FBXL18: variants seen among roughly 807,000 people sequenced by gnomAD.
The protein encoded by FBXL18 is F-box/LRR-repeat protein 18.
Under a neutral mutation model 46.0 loss-of-function variants are expected in FBXL18, and 36 were observed. The observed-to-expected ratio is 0.78, with a 90% CI of 0.60 to 1.03. The LOEUF is 1.03. FBXL18 is among the 50% of genes least tolerant of loss of function. The pLI, the probability that FBXL18 is intolerant of heterozygous loss-of-function variation, is 0.00. For missense variants in FBXL18, 977 were observed against 1,004.1 expected, an observed-to-expected ratio of 0.97 and a Z score of 0.36; for synonymous variants, 557 against 465.3, an observed-to-expected ratio of 1.20 and a Z score of -2.54.
intron 4 of FBXL18, among the ~76,000 whole-genome samples, chr7:5,464,684 C>CA (rs1228006360): frequency 9.9e-5 from 3 of 30,164 alleles, no homozygotes; most frequent in Non-Finnish European, 2.2e-4. Context: ...AAAAAAAAAA[C>CA]ACTAAGATGG....
At chr7:5,491,928 T>TCTGGGAGGCTGGTGC in intron 3 of FBXL18, among the ~76,000 whole-genome samples, 1 of 150,934 alleles carries the variant, frequency 6.6e-6, no homozygotes, top group Non-Finnish European at 1.5e-5. Flanking sequence ...GAGGCTGGTG[T>TCTGGGAGGCTGGTGC]GGGGGAGGGA....
At chr7:5,471,183 C>T (rs1783421167), downstream of FBXL18, among the ~76,000 whole-genome samples, 1 of 152,208 alleles carries the variant, frequency 6.6e-6, no homozygotes, top group African/African-American at 2.4e-5. Flanking sequence ...CGCAATAAAT[C>T]AGCCGCTGTG....
chr7:5,483,893 C>T (rs994964701), intron 4 of FBXL18, among the ~76,000 whole-genome samples: 5 of 152,152 alleles, frequency 3.3e-5, no homozygotes, highest in African/African-American at 1.2e-4. Context: ...GGGAAGAGGA[C>T]GACGGGGTCC....
intron 4 of FBXL18, among the ~76,000 whole-genome samples, chr7:5,484,562 G>C (rs1783727410): frequency 6.6e-6 from 1 of 151,550 alleles, no homozygotes; most frequent in African/African-American, 2.4e-5. Flanking sequence ...TCCCAGACTG[G>C]AGTGCAGTGG....
intron 3 of FBXL18, chr7:5,495,768 C>G: frequency 2.1e-6 from 1 of 471,590 alleles, no homozygotes; most frequent in South Asian, 1.5e-5. Context: ...GCTCCTTCCA[C>G]TGCAGCGTCC....
At chr7:5,471,308 G>A (rs867702572), downstream of FBXL18, among the ~76,000 whole-genome samples, 19 of 152,242 alleles carry the variant, frequency 1.2e-4, no homozygotes, top group East Asian at 7.7e-4. Context: ...GGGCTTTTTC[G>A]CTCTGTCGCC....
chr7:5,460,499 G>C (rs1258326168), intron 4 of FBXL18, among the ~76,000 whole-genome samples: 2 of 152,152 alleles, frequency 1.3e-5, no homozygotes, highest in Non-Finnish European at 2.9e-5. Flanking sequence ...TGTCACCCAG[G>C]CTGGAGTGCA....
At chr7:5,497,845 A>G (rs1784123493) in intron 3 of FBXL18, among the ~76,000 whole-genome samples, 1 of 152,128 alleles carries the variant, frequency 6.6e-6, no homozygotes, top group South Asian at 2.1e-4. Context: ...GCTCTCAGCA[A>G]AGGCACAAGG....
downstream of FBXL18, among the ~76,000 whole-genome samples, chr7:5,474,041 C>T (rs73043451): frequency 0.3 from 44,836 of 151,978 alleles, 8,296 homozygotes; most frequent in East Asian, 0.62. Flanking sequence ...AGGTGATCCA[C>T]CAGCCTTGGC....
intron 3 of FBXL18, among the ~76,000 whole-genome samples, chr7:5,498,028 G>A (rs1206569277): frequency 1.3e-5 from 2 of 151,622 alleles, no homozygotes; most frequent in African/African-American, 4.8e-5. Flanking sequence ...GTAGTACTGA[G>A]GCTCAAGGCC....
chr7:5,503,825 G>C (rs1784326936), intron 2 of FBXL18, among the ~76,000 whole-genome samples: 1 of 152,094 alleles, frequency 6.6e-6, no homozygotes, highest in African/African-American at 2.4e-5. Context: ...AAATTAGCCA[G>C]ATGTGGTGGC....
intron 4 of FBXL18, among the ~76,000 whole-genome samples, chr7:5,456,258 C>T (rs1783173908): frequency 6.6e-6 from 1 of 152,228 alleles, no homozygotes; most frequent in South Asian, 2.1e-4. Flanking sequence ...CAGTGCTCCC[C>T]CTGCACCAGT....
rs1452136891 is a variant in FBXL18 at position 5,505,406 on chromosome 7, G to A, written c.237+6C>T. Reference sequence around the variant, plus strand: ...TTTCTCATCTCCTGCCCCCACGCCTGCTCACCTGATAGTCCTTTTGCAGCA... The same window carrying A: ...TTTCTCATCTCCTGCCCCCACGCCTACTCACCTGATAGTCCTTTTGCAGCA... On this transcript the variant is annotated splice_donor_region_variant and intron_variant, in intron 2 of 4. Transcript: ENST00000382368. The A allele has an allele frequency of 1.2e-6, 2 of 1,613,490 alleles. No individual in the cohort carries two copies. Among genetic ancestry groups the A allele is most frequent in the Non-Finnish European group, 1.7e-6 (2 of 1,179,490 alleles).
intron 4 of FBXL18, among the ~76,000 whole-genome samples, chr7:5,484,113 G>A (rs1377145780): frequency 1.3e-5 from 2 of 152,178 alleles, no homozygotes; most frequent in East Asian, 3.8e-4. Context: ...AAACCGTCAT[G>A]CCATGTACTT....
At chr7:5,484,747 T>C (rs557770247) in intron 4 of FBXL18, among the ~76,000 whole-genome samples, 1 of 151,826 alleles carries the variant, frequency 6.6e-6, no homozygotes, top group South Asian at 2.1e-4. Flanking sequence ...TAAACGATTT[T>C]CCCGTCTCAG....
rs1309057642 is a variant in FBXL18 at position 5,476,202 on chromosome 7, G to A, written c.*5573C>T. 6.6e-6 allele frequency: 1 copy of A among 152,550 alleles called. No individual in the cohort carries two copies. The highest frequency in any genetic ancestry group is 1.5e-5 in the Non-Finnish European group (1 of 68,428). 9.4% of individuals were successfully genotyped at this position (152,550 alleles called of 1,614,324 possible). A position where few individuals can be genotyped will look rare whatever the true frequency, so the allele number is the denominator to read the frequency against. On this transcript the variant is annotated 3_prime_UTR_variant, in exon 5 of 5. Coordinates refer to ENST00000382368, the MANE Select transcript of FBXL18 (RefSeq NM_024963.6). ...CACAGGCACGCACATGCTTGCCCAT[G>A]AACACCCCCCGGGCACACACACACC...
chr7:5,495,833 G>T (rs368679861), intron 3 of FBXL18: 1 of 479,670 alleles, frequency 2.1e-6, no homozygotes, highest in Non-Finnish European at 4.3e-6. Context: ...AGCTGGCAGC[G>T]TCTGGGAACC....
intron 4 of FBXL18, among the ~76,000 whole-genome samples, chr7:5,460,075 C>A (rs1037875421): frequency 6.6e-6 from 1 of 151,952 alleles, no homozygotes; most frequent in Non-Finnish European, 1.5e-5. Flanking sequence ...GCCTAGGCAA[C>A]ATAGTGAGAC....
In FBXL18 at chr7:5,481,677, A is replaced by T. The variant is rs2128233834; in HGVS notation, c.*98T>A. 6.0e-6 allele frequency: 8 copies of T among 1,334,226 alleles called. No individual in the cohort carries two copies. Among genetic ancestry groups the T allele is most frequent in the Non-Finnish European group, 8.4e-6 (8 of 956,756 alleles). The allele number at this position is 1,334,226 out of a possible 1,614,324, so 82.6% of individuals were successfully genotyped here. A position where few individuals can be genotyped will look rare whatever the true frequency, so the allele number is the denominator to read the frequency against. On this transcript the variant is annotated 3_prime_UTR_variant, in exon 5 of 5. Coordinates refer to ENST00000382368, the MANE Select transcript of FBXL18 (RefSeq NM_024963.6). ...GGTGGGGCGTGGCTGGCCGGGAGAG[A>T]GGCCCCCTTCCTCTTGTGACAAACC...
Sources: gnomAD v4.1 joint callset for allele counts (sites outside exome capture counted in the v4.1 genomes callset) on GRCh38, gnomAD v4.1.1 for gene constraint, MANE v1.5 for transcripts, NCBI Gene and HGNC (gene_info 2026-07-23, HGNC 2026-07-21) for gene names.